XIRP2: variants seen among roughly 807,000 people sequenced by gnomAD.
XIRP2 encodes the protein xin actin-binding repeat-containing protein 2.
In XIRP2, 236 loss-of-function variants were observed where a neutral mutation model predicts 277.0. The observed-to-expected ratio is 0.85, with a 90% CI of 0.77 to 0.95. The LOEUF (loss-of-function observed/expected upper bound fraction) is 0.95, where lower values mean the gene tolerates loss of function less well. Among genes scored for constraint, XIRP2 ranks in the 40% least tolerant of loss-of-function variants. The probability of loss-of-function intolerance (pLI) is 0.00; values close to 1 mark genes in which losing one functional copy is unlikely to be tolerated. For missense variants in XIRP2, 4,640 were observed against 4,157.5 expected (o/e 1.12, Z -3.19); for synonymous variants, 1,490 against 1,416.5 (o/e 1.05, Z -1.17).
At chr2:167,154,394 C>T (rs1014970805) in intron 3 of XIRP2, among the ~76,000 whole-genome samples, 38 of 151,522 alleles carry the variant, frequency 2.5e-4, no homozygotes, top group African/African-American at 8.7e-4. Context: ...TTTTGCTGTG[C>T]AGAAGCTCTT....
intron 2 of XIRP2, among the ~76,000 whole-genome samples, chr2:167,036,766 C>A (rs1211685525): frequency 3.9e-5 from 6 of 152,120 alleles, no homozygotes; most frequent in Non-Finnish European, 8.8e-5. Context: ...CAAATCTCAA[C>A]TTGAATTTTA....
intron 9 of XIRP2, among the ~76,000 whole-genome samples, chr2:167,253,519 T>G (rs1289417384): frequency 6.6e-6 from 1 of 151,810 alleles, no homozygotes; most frequent in Non-Finnish European, 1.5e-5. Flanking sequence ...GCAAATACAG[T>G]GTCCTTGGCT....
chr2:167,191,194 A>G (rs1397061189), intron 3 of XIRP2, among the ~76,000 whole-genome samples: 1 of 151,312 alleles, frequency 6.6e-6, no homozygotes, highest in Non-Finnish European at 1.5e-5. Context: ...TCAAAAAAAA[A>G]AAAAAAAAGA....
Position 167,249,319 on chromosome 2 carries a change from C to G in XIRP2, c.7927C>G (p.His2643Asp). ...SPETVAAKRL[H>D]HVLAASEDKD... is the part of the protein sequence containing the mutation. Reference sequence around the variant, plus strand: ...AGAAACAGTCGCTGCCAAGAGGCTCCACCATGTTTTAGCAGCTTCAGAAGA... The same window carrying G: ...AGAAACAGTCGCTGCCAAGAGGCTCGACCATGTTTTAGCAGCTTCAGAAGA... The change falls in exon 9 of 11, where the codon CAC (histidine) becomes GAC (aspartate). Residue 2643 changes from histidine (H) to aspartate (D), a missense_variant. By Grantham distance (81) the His-to-Asp change is moderately conservative. Coordinates refer to ENST00000409195, the MANE Select transcript of XIRP2 (RefSeq NM_152381.6). 6.2e-7 allele frequency: 1 copy of G among 1,613,714 alleles called. No individual in the cohort carries two copies. The highest frequency in any genetic ancestry group is 8.5e-7 in the Non-Finnish European group (1 of 1,179,792).
intron 2 of XIRP2, among the ~76,000 whole-genome samples, chr2:166,998,918 G>T (rs1294602447): frequency 2.0e-5 from 3 of 152,052 alleles, no homozygotes; most frequent in Admixed American, 6.5e-5. Context: ...CAATTTTGAT[G>T]TACCTCTGTT....
intron 2 of XIRP2, among the ~76,000 whole-genome samples, chr2:166,938,853 C>T (rs899739616): frequency 6.6e-6 from 1 of 152,088 alleles, no homozygotes; most frequent in African/African-American, 2.4e-5. Context: ...GTAATGGCCT[C>T]TTTTGTCTCT....
Position 167,258,092 on chromosome 2 carries a change from G to A in XIRP2, c.*275G>A. ...TGGAGATCGTAATGAACATTTAGAT[G>A]CTGGTAACAGTGAAGGGCAAAGGAA... On this transcript the variant is annotated 3_prime_UTR_variant, in exon 11 of 11. Coordinates refer to ENST00000409195, the MANE Select transcript of XIRP2 (RefSeq NM_152381.6). The A allele has an allele frequency of 1.2e-6, 2 of 1,613,130 alleles. No individual in the cohort carries two copies. The highest frequency in any genetic ancestry group is 1.7e-6 in the Non-Finnish European group (2 of 1,179,538).
chr2:167,019,344 C>G (rs1687920909), intron 2 of XIRP2, among the ~76,000 whole-genome samples: 1 of 151,848 alleles, frequency 6.6e-6, no homozygotes, highest in Admixed American at 6.6e-5. Context: ...AATAGCGACC[C>G]CAATAATAAT....
intron 3 of XIRP2, among the ~76,000 whole-genome samples, chr2:167,204,987 A>G (rs913128390): frequency 6.6e-5 from 10 of 152,152 alleles, no homozygotes; most frequent in African/African-American, 2.2e-4. Context: ...CAAAATCTTT[A>G]CCCAATTTTC....
intron 2 of XIRP2, among the ~76,000 whole-genome samples, chr2:166,935,854 A>G (rs1227028466): frequency 1.3e-5 from 2 of 152,192 alleles, no homozygotes; most frequent in African/African-American, 2.4e-5. Context: ...GCTGTTGTGA[A>G]TAGTGCCGCA....
At chr2:166,951,682 G>C (rs1442642226) in intron 2 of XIRP2, among the ~76,000 whole-genome samples, 1 of 152,012 alleles carries the variant, frequency 6.6e-6, no homozygotes, top group Non-Finnish European at 1.5e-5. Flanking sequence ...TACTGACCAA[G>C]GTTCAGAAAT....
chr2:167,193,924 T>G (rs1165101989), intron 3 of XIRP2, among the ~76,000 whole-genome samples: 2 of 150,636 alleles, frequency 1.3e-5, no homozygotes, highest in Non-Finnish European at 3.0e-5. Context: ...TGACACAGTA[T>G]CTTGTAATTA....
At chr2:167,145,227 T>A (rs1177304296) in intron 3 of XIRP2, among the ~76,000 whole-genome samples, 1 of 152,196 alleles carries the variant, frequency 6.6e-6, no homozygotes, top group Non-Finnish European at 1.5e-5. Context: ...TCTATACTCT[T>A]GTTATCTACA....
chr2:167,230,851 C>A (rs1484764457), intron 5 of XIRP2, among the ~76,000 whole-genome samples: 1 of 152,040 alleles, frequency 6.6e-6, no homozygotes, highest in African/African-American at 2.4e-5. Flanking sequence ...TCTGTCCCAG[C>A]AGTTTACCAG....
chr2:167,228,721 T>C (rs1235185314), intron 5 of XIRP2, among the ~76,000 whole-genome samples: 1 of 152,122 alleles, frequency 6.6e-6, no homozygotes, highest in Non-Finnish European at 1.5e-5. Context: ...TCCAATTGCT[T>C]TGAAAAAATC....
chr2:167,217,761 A>G (rs1452355469), intron 4 of XIRP2, among the ~76,000 whole-genome samples: 3 of 152,026 alleles, frequency 2.0e-5, no homozygotes, highest in Admixed American at 6.6e-5. Context: ...ATTCTTAATA[A>G]TGTGTTCCCT....
intron 2 of XIRP2, among the ~76,000 whole-genome samples, chr2:166,924,760 CCT>C (rs1480166944): frequency 6.6e-6 from 1 of 151,906 alleles, no homozygotes; most frequent in Non-Finnish European, 1.5e-5. Flanking sequence ...GTCTCATAGC[CCT>C]CTTTCACCTT....
chr2:167,043,052 T>C (rs1688699127), intron 2 of XIRP2, among the ~76,000 whole-genome samples: 1 of 151,918 alleles, frequency 6.6e-6, no homozygotes, highest in African/African-American at 2.4e-5. Context: ...TACAATTACA[T>C]GGAAGTTAAA....
At chr2:166,905,840 T>C (rs1312099258) in intron 2 of XIRP2, among the ~76,000 whole-genome samples, 1 of 152,000 alleles carries the variant, frequency 6.6e-6, no homozygotes. Context: ...TTTGTTATAT[T>C]ATTAGGCATG....
Sources: allele counts gnomAD v4.1 joint callset (sites outside exome capture counted in the v4.1 genomes callset), GRCh38; gene constraint gnomAD v4.1.1; transcripts MANE v1.5; gene names NCBI Gene and HGNC (gene_info 2026-07-23, HGNC 2026-07-21).